PTPRD: variants seen among roughly 807,000 people sequenced by gnomAD.
PTPRD encodes receptor-type tyrosine-protein phosphatase delta.
A neutral mutation model predicts 214.5 loss-of-function variants in PTPRD; 34 were observed. That is an observed-to-expected ratio of 0.16 (90% confidence interval 0.12 to 0.21). The LOEUF is 0.21. Ranked by LOEUF, PTPRD falls within the 10% of genes least tolerant of loss-of-function variation. The pLI, the probability that PTPRD is intolerant of heterozygous loss-of-function variation, is 1.00. For missense variants in PTPRD, 2,545 were observed against 2,398.7 expected, an observed-to-expected ratio of 1.06 and a Z score of -1.27; for synonymous variants, 1,128 against 845.7, an observed-to-expected ratio of 1.33 and a Z score of -5.79.
intron 11 of PTPRD, among the ~76,000 whole-genome samples, chr9:8,781,202 T>C (rs1233878323): frequency 6.6e-6 from 1 of 152,192 alleles, no homozygotes; most frequent in South Asian, 2.1e-4. Flanking sequence ...AGAGAATTTA[T>C]CATCGGCAGG....
At chr9:9,686,752 C>T (rs538190119) in intron 7 of PTPRD, among the ~76,000 whole-genome samples, 7 of 151,638 alleles carry the variant, frequency 4.6e-5, no homozygotes, top group Non-Finnish European at 8.9e-5. Context: ...ACAGGTAATA[C>T]ATTGTGTACA....
chr9:10,386,361 G>C (rs1304062119), intron 2 of PTPRD, among the ~76,000 whole-genome samples: 1 of 151,780 alleles, frequency 6.6e-6, no homozygotes, highest in Non-Finnish European at 1.5e-5. Flanking sequence ...AGCCTAACTA[G>C]TATCCTGAAG....
chr9:10,313,299 G>C (rs557932873), intron 3 of PTPRD, among the ~76,000 whole-genome samples: 2 of 151,540 alleles, frequency 1.3e-5, no homozygotes, highest in East Asian at 3.9e-4. Flanking sequence ...GGTTGCTGTA[G>C]CTCATAATTA....
intron 44 of PTPRD, among the ~76,000 whole-genome samples, chr9:8,321,215 T>C (rs549038431): frequency 6.6e-6 from 1 of 151,988 alleles, no homozygotes; most frequent in South Asian, 2.1e-4. Flanking sequence ...TATCTTTTTG[T>C]TGAATGATCT....
intron 2 of PTPRD, among the ~76,000 whole-genome samples, chr9:10,464,674 C>G (rs2098981721): frequency 6.6e-6 from 1 of 151,646 alleles, no homozygotes; most frequent in African/African-American, 2.4e-5. Context: ...TGATTTGAAT[C>G]CAATCTTATA....
chr9:9,143,697 T>C (rs1340938137), intron 10 of PTPRD, among the ~76,000 whole-genome samples: 2 of 152,194 alleles, frequency 1.3e-5, no homozygotes, highest in Non-Finnish European at 2.9e-5. Context: ...TAAAAAATAA[T>C]TGGCCTAATA....
Position 8,797,411 on chromosome 9 carries a change from T to G in PTPRD, c.-103-63465A>C, listed in dbSNP as rs529832218. ...AGCTATCAAATAGATTGCTTAACTT[T>G]GATTTGTTTATTCGGTGCTAGCACA... is the stretch of plus-strand genomic sequence containing the variant. On this transcript the variant is annotated intron_variant, in intron 11 of 45. Coordinates refer to ENST00000381196, the MANE Select transcript of PTPRD (RefSeq NM_002839.4). Among the ~76,000 whole-genome samples the G allele has an allele frequency of 3.3e-5, 5 of 152,326 alleles. No individual in the cohort carries two copies. In the South Asian group the frequency reaches 1.0e-3, roughly 32 times the overall value.
intron 18 of PTPRD, among the ~76,000 whole-genome samples, chr9:8,524,444 G>A (rs2097960845): frequency 6.6e-6 from 1 of 152,260 alleles, no homozygotes; most frequent in African/African-American, 2.4e-5. Context: ...TGTAGCACTT[G>A]TTTTATAGAG....
chr9:9,748,832 T>C (rs768386621), intron 6 of PTPRD, among the ~76,000 whole-genome samples: 1 of 152,168 alleles, frequency 6.6e-6, no homozygotes, highest in Admixed American at 6.5e-5. Context: ...AATGGAAGAG[T>C]TATAGTGTCC....
At chr9:9,098,419 G>T (rs1591582952) in intron 10 of PTPRD, among the ~76,000 whole-genome samples, 1 of 152,070 alleles carries the variant, frequency 6.6e-6, no homozygotes, top group South Asian at 2.1e-4. Context: ...ACCACACCTG[G>T]CTAATTTTTA....
At chr9:9,890,492 C>G (rs2072897425) in intron 5 of PTPRD, among the ~76,000 whole-genome samples, 1 of 152,060 alleles carries the variant, frequency 6.6e-6, no homozygotes, top group South Asian at 2.1e-4. Context: ...AGCCACATGA[C>G]CAGCCAGTAA....
intron 10 of PTPRD, among the ~76,000 whole-genome samples, chr9:9,038,298 A>G (rs2099628293): frequency 1.3e-5 from 2 of 152,140 alleles, no homozygotes; most frequent in African/African-American, 4.8e-5. Flanking sequence ...CTACCACAGG[A>G]CAGTTTGGTC....
chr9:9,725,102 A>T (rs1014639612), intron 7 of PTPRD, among the ~76,000 whole-genome samples: 5 of 152,142 alleles, frequency 3.3e-5, no homozygotes, highest in African/African-American at 1.2e-4. Flanking sequence ...TGTCCTTAAC[A>T]CATCCTCTTT....
chr9:10,032,833 T>C (rs565914919), intron 4 of PTPRD, among the ~76,000 whole-genome samples: 5 of 151,672 alleles, frequency 3.3e-5, no homozygotes, highest in South Asian at 2.1e-4. Context: ...TTCAACTGTA[T>C]GCAATTTATA....
intron 30 of PTPRD, among the ~76,000 whole-genome samples, chr9:8,478,899 A>C (rs2096823381): frequency 6.6e-6 from 1 of 152,230 alleles, no homozygotes. Flanking sequence ...CTTGGCCAGA[A>C]ATGACAGCAT....
At chr9:9,154,065 G>A (rs1043803369) in intron 10 of PTPRD, among the ~76,000 whole-genome samples, 2 of 152,088 alleles carry the variant, frequency 1.3e-5, no homozygotes, top group Admixed American at 1.3e-4. Context: ...GGAGAATTTT[G>A]TGGTGCTTGA....
chr9:9,577,044 G>A (rs568360249), intron 7 of PTPRD, among the ~76,000 whole-genome samples: 9 of 152,196 alleles, frequency 5.9e-5, no homozygotes, highest in East Asian at 5.8e-4. Flanking sequence ...ACACTGATCA[G>A]ATATGTTGGG....
chr9:9,724,253 C>T (rs1276211789), intron 7 of PTPRD, among the ~76,000 whole-genome samples: 1 of 151,984 alleles, frequency 6.6e-6, no homozygotes, highest in Non-Finnish European at 1.5e-5. Flanking sequence ...AGGTTGCATC[C>T]AAAGTTTGAG....
chr9:9,821,995 T>G (rs1319808923), intron 5 of PTPRD, among the ~76,000 whole-genome samples: 1 of 151,108 alleles, frequency 6.6e-6, no homozygotes, highest in Non-Finnish European at 1.5e-5. Context: ...GTGACTGAAG[T>G]CTTATTCAGC....
Sources: allele counts gnomAD v4.1 joint callset (sites outside exome capture counted in the v4.1 genomes callset), GRCh38; gene constraint gnomAD v4.1.1; transcripts MANE v1.5; gene names NCBI Gene and HGNC (gene_info 2026-07-23, HGNC 2026-07-21).